STK32A: variants seen among roughly 807,000 people sequenced by gnomAD.
The protein encoded by STK32A is serine/threonine kinase 32A.
A neutral mutation model predicts 53.2 loss-of-function variants in STK32A; 41 were observed. That is an observed-to-expected ratio of 0.77 (90% CI 0.60 to 1.00). The LOEUF (loss-of-function observed/expected upper bound fraction) is 1.00. Among genes scored for constraint, STK32A ranks in the 50% least tolerant of loss-of-function variants. The pLI, the probability that STK32A is intolerant of heterozygous loss-of-function variation, is 0.00. For missense variants in STK32A, 458 were observed against 485.8 expected (o/e 0.94, Z 0.54); for synonymous variants, 166 against 162.8 (o/e 1.02, Z -0.15).
At chr5:147,338,856 G>T (rs1204590637) in intron 5 of STK32A, among the ~76,000 whole-genome samples, 2 of 152,168 alleles carry the variant, frequency 1.3e-5, no homozygotes. Flanking sequence ...GCATTCAAGA[G>T]GTGACGTGGG....
intron 8 of STK32A, among the ~76,000 whole-genome samples, chr5:147,364,549 C>T (rs1756660147): frequency 1.3e-5 from 2 of 152,174 alleles, no homozygotes; most frequent in South Asian, 2.1e-4. Context: ...TCTGCCTTCA[C>T]AAAATACCAC....
intron 12 of STK32A, 91 bp downstream of exon 12, chr5:147,383,596 T>A (rs939633858): frequency 2.7e-6 from 3 of 1,104,806 alleles, no homozygotes; most frequent in African/African-American, 1.6e-5. Flanking sequence ...TTTAACATTT[T>A]AAAAATTATT....
intron 5 of STK32A, among the ~76,000 whole-genome samples, chr5:147,341,015 GT>G (rs1019213214): frequency 1.3e-5 from 2 of 152,200 alleles, no homozygotes; most frequent in Non-Finnish European, 2.9e-5. Flanking sequence ...ACACAATGAT[GT>G]ATGGATTCAA....
intron 5 of STK32A, among the ~76,000 whole-genome samples, chr5:147,326,491 C>A (rs914030679): frequency 1.3e-5 from 2 of 152,110 alleles, no homozygotes; most frequent in East Asian, 1.9e-4. Flanking sequence ...GCTGTCATAC[C>A]CTTTTGTACC....
intron 5 of STK32A, among the ~76,000 whole-genome samples, chr5:147,337,318 C>T (rs140073540): frequency 1.3e-5 from 2 of 152,292 alleles, no homozygotes; most frequent in African/African-American, 4.8e-5. Context: ...CCTCTGAAAT[C>T]ATAGGCTCGT....
chr5:147,300,259 A>C (rs1277445274), intron 4 of STK32A, among the ~76,000 whole-genome samples: 3 of 152,174 alleles, frequency 2.0e-5, no homozygotes, highest in Non-Finnish European at 4.4e-5. Context: ...AAAGGAGCTA[A>C]AATATTTTCC....
At chr5:147,326,325 C>G (rs1043932821) in intron 5 of STK32A, among the ~76,000 whole-genome samples, 3 of 152,170 alleles carry the variant, frequency 2.0e-5, no homozygotes, top group Admixed American at 2.0e-4. Flanking sequence ...TGAAATGTCT[C>G]CTCACCATGG....
chr5:147,354,438 G>C (rs945431115), intron 7 of STK32A, among the ~76,000 whole-genome samples: 1 of 152,110 alleles, frequency 6.6e-6, no homozygotes, highest in African/African-American at 2.4e-5. Flanking sequence ...TACAATATCT[G>C]TATAATGTAA....
At chr5:147,259,127 A>G (rs567080916) in intron 2 of STK32A, among the ~76,000 whole-genome samples, 1 of 152,282 alleles carries the variant, frequency 6.6e-6, no homozygotes, top group South Asian at 2.1e-4. Context: ...CCTGTTAGGA[A>G]ACCTGCTGGG....
the STK32A span, chr5:147,397,936 C>G: frequency 1.5e-6 from 2 of 1,320,532 alleles, no homozygotes; most frequent in Non-Finnish European, 1.0e-6. Flanking sequence ...TCATTTGCTG[C>G]TGATTCACCA....
chr5:147,400,246 C>T, the STK32A span, among the ~76,000 whole-genome samples: 1 of 152,168 alleles, frequency 6.6e-6, no homozygotes, highest in African/African-American at 2.4e-5. Context: ...ACTTGTATCG[C>T]CTGAATGACC....
intron 3 of STK32A, among the ~76,000 whole-genome samples, chr5:147,278,390 G>A (rs985775443): frequency 1.3e-5 from 2 of 152,184 alleles, no homozygotes; most frequent in Non-Finnish European, 1.5e-5. Context: ...ACTGTTGTCA[G>A]AATAATCTCA....
intron 4 of STK32A, among the ~76,000 whole-genome samples, chr5:147,297,768 A>G (rs1752933815): frequency 1.3e-5 from 2 of 152,176 alleles, no homozygotes; most frequent in South Asian, 4.1e-4. Context: ...ACTTGAGGTC[A>G]GGAGTTTGAG....
intron 1 of STK32A, among the ~76,000 whole-genome samples, chr5:147,238,788 TAA>T (rs895787818): frequency 1.9e-4 from 28 of 144,472 alleles, no homozygotes; most frequent in African/African-American, 5.4e-4. Flanking sequence ...ACTCAATATA[TAA>T]AGAGTTATAT....
At chr5:147,300,220 C>T (rs1244065798) in intron 4 of STK32A, among the ~76,000 whole-genome samples, 3 of 152,082 alleles carry the variant, frequency 2.0e-5, no homozygotes, top group Non-Finnish European at 4.4e-5. Flanking sequence ...ATTATTATTC[C>T]CATTCTATTC....
intron 2 of STK32A, among the ~76,000 whole-genome samples, chr5:147,254,245 T>G (rs1181375948): frequency 6.6e-6 from 1 of 152,220 alleles, no homozygotes; most frequent in African/African-American, 2.4e-5. Flanking sequence ...CCTATCTTTT[T>G]GGGAGACACC....
At chr5:147,316,135 G>T (rs1753980965) in intron 4 of STK32A, among the ~76,000 whole-genome samples, 1 of 152,182 alleles carries the variant, frequency 6.6e-6, no homozygotes, top group South Asian at 2.1e-4. Context: ...TATTTTGAAA[G>T]TGTTGAGTGT....
chr5:147,390,645 A>G (rs112524450), downstream of STK32A, among the ~76,000 whole-genome samples: 1,748 of 152,212 alleles, frequency 0.011, 41 homozygotes, highest in African/African-American at 0.041. Flanking sequence ...GGTCAAAACT[A>G]ACAACTCAAT....
chr5:147,290,557 A>G (rs1204777991), intron 4 of STK32A, among the ~76,000 whole-genome samples: 1 of 152,120 alleles, frequency 6.6e-6, no homozygotes, highest in Non-Finnish European at 1.5e-5. Flanking sequence ...TTGTTAATTG[A>G]GATTAAACCT....
Sources: allele counts gnomAD v4.1 joint callset (sites outside exome capture counted in the v4.1 genomes callset), GRCh38; gene constraint gnomAD v4.1.1; transcripts MANE v1.5; gene names NCBI Gene and HGNC (gene_info 2026-07-23, HGNC 2026-07-21).